The following SEPTIN11 variants were observed in gnomAD, a reference collection of about 807,000 sequenced individuals.
SEPTIN11 encodes the protein septin-11.
Under a neutral mutation model 51.4 loss-of-function variants are expected in SEPTIN11, and 25 were observed. The observed-to-expected ratio is 0.49, with a 90% CI of 0.35 to 0.68. The LOEUF is 0.68. SEPTIN11 is among the 30% of genes least tolerant of loss of function. The pLI, the probability that SEPTIN11 is intolerant of heterozygous loss-of-function variation, is 0.00. For synonymous variants in SEPTIN11, 174 were observed against 184.1 expected, an observed-to-expected ratio of 0.95 and a Z score of 0.44; for missense variants, 381 against 520.8, an observed-to-expected ratio of 0.73 and a Z score of 2.61.
In SEPTIN11 at chr4:77,020,521, C is replaced by A; in HGVS notation, c.804C>A (p.Cys268Ter). The change falls in exon 7 of 10, where the codon TGC becomes TGA. Residue 268 changes from cysteine to a stop codon, truncating the protein, a stop_gained. Coordinates refer to ENST00000264893, the MANE Select transcript of SEPTIN11 (RefSeq NM_018243.4). LOFTEE classifies it high-confidence loss of function. ...TTGTAGTTGAGAATGAAAATCATTG[C>A]GATTTTGTGAAACTTCGAGAGATGC... is the stretch of plus-strand genomic sequence containing the variant. The part of the protein sequence containing the change: ...GVVQVENENH[C>*]DFVKLREMLI... 1 of 1,613,730 alleles carries A rather than the reference C, an allele frequency of 6.2e-7. No individual in the cohort carries two copies. The highest frequency in any genetic ancestry group is 8.5e-7 in the Non-Finnish European group (1 of 1,179,888).
At chr4:76,996,378 G>T in intron 1 of SEPTIN11, 47 bp from the exon 2 acceptor site, 1 of 1,254,080 alleles carries the variant, frequency 8.0e-7, no homozygotes, top group Non-Finnish European at 1.2e-6. Flanking sequence ...TGATATCCAG[G>T]TGGCATGGTT....
intron 1 of SEPTIN11, among the ~76,000 whole-genome samples, chr4:76,952,086 T>A (rs1721373057): frequency 6.6e-6 from 1 of 152,248 alleles, no homozygotes; most frequent in Non-Finnish European, 1.5e-5. Flanking sequence ...ATTTCACAGA[T>A]AATTGTTGAA....
chr4:76,965,190 C>T (rs1721982626), intron 1 of SEPTIN11, among the ~76,000 whole-genome samples: 1 of 152,128 alleles, frequency 6.6e-6, no homozygotes, highest in Non-Finnish European at 1.5e-5. Context: ...GTGGCTCACA[C>T]CTGTAATGCC....
At chr4:76,989,109 A>G in intron 1 of SEPTIN11, among the ~76,000 whole-genome samples, 1 of 152,198 alleles carries the variant, frequency 6.6e-6, no homozygotes, top group East Asian at 1.9e-4. Flanking sequence ...GTTTAGAGGT[A>G]ATTTGATTAA....
chr4:77,016,661 T>C lies in SEPTIN11; in HGVS notation c.687+1644T>C, dbSNP rs186576203. On this transcript the variant is annotated intron_variant, in intron 5 of 9. Coordinates refer to ENST00000264893, the MANE Select transcript of SEPTIN11 (RefSeq NM_018243.4). ...ATATATATATATATATATATACACA[T>C]ATATATATATATATGGCCAGGCACA... Among the ~76,000 whole-genome samples the C allele has an allele frequency of 4.3e-3, 561 of 130,458 alleles. 18 individuals are homozygous for C. Among genetic ancestry groups the C allele is most frequent in the African/African-American group, 0.015 (514 of 35,148 alleles). The allele number at this position is 130,458 out of a possible 152,430, so 85.6% of individuals were successfully genotyped here.
At chr4:76,996,075 T>C in intron 1 of SEPTIN11, 1 of 910,736 alleles carries the variant, frequency 1.1e-6, no homozygotes, top group Non-Finnish European at 1.6e-6. Flanking sequence ...TTTTCTTGAA[T>C]AATGAAAGTG....
intron 1 of SEPTIN11, among the ~76,000 whole-genome samples, chr4:76,975,421 A>G (rs1389977486): frequency 6.6e-6 from 1 of 152,192 alleles, no homozygotes; most frequent in Non-Finnish European, 1.5e-5. Flanking sequence ...CGCTTCTATT[A>G]TTATTACTTC....
chr4:77,027,906 T>C (rs1039352381), intron 7 of SEPTIN11, among the ~76,000 whole-genome samples: 5 of 152,110 alleles, frequency 3.3e-5, no homozygotes, highest in Admixed American at 1.3e-4. Flanking sequence ...AGGAGGAGGA[T>C]AGAATTGAAA....
intron 1 of SEPTIN11, among the ~76,000 whole-genome samples, chr4:76,992,683 A>G (rs1723445776): frequency 6.6e-6 from 1 of 152,238 alleles, no homozygotes; most frequent in African/African-American, 2.4e-5. Context: ...GCAGCTTTTC[A>G]ATCAGTATTT....
intron 1 of SEPTIN11, 122 bp from the exon 2 acceptor site, chr4:76,996,303 G>A: frequency 2.7e-6 from 2 of 743,564 alleles, no homozygotes; most frequent in Non-Finnish European, 4.6e-6. Flanking sequence ...AGGCAGCTGT[G>A]GAGGGTCTCC....
chr4:77,023,433 T>G (rs1303788536), intron 7 of SEPTIN11, among the ~76,000 whole-genome samples: 1 of 149,938 alleles, frequency 6.7e-6, no homozygotes, highest in Non-Finnish European at 1.5e-5. Context: ...GGCCTTTACT[T>G]TTTTCCATAT....
At chr4:77,001,795 T>G (rs1388607081) in intron 2 of SEPTIN11, among the ~76,000 whole-genome samples, 1 of 152,176 alleles carries the variant, frequency 6.6e-6, no homozygotes, top group African/African-American at 2.4e-5. Flanking sequence ...TTTTAGTTAT[T>G]CAGTTAGAAA....
intron 1 of SEPTIN11, among the ~76,000 whole-genome samples, chr4:76,961,736 G>A (rs1721831849): frequency 1.3e-5 from 2 of 152,176 alleles, no homozygotes. Flanking sequence ...GGCATTTGAA[G>A]TGTGGTTTTT....
At chr4:76,953,443 T>TA (rs1252456904) in intron 1 of SEPTIN11, among the ~76,000 whole-genome samples, 3 of 152,188 alleles carry the variant, frequency 2.0e-5, no homozygotes, top group African/African-American at 7.2e-5. Context: ...AGGCAATTCT[T>TA]AAAGATGAGG....
In SEPTIN11 at chr4:77,005,591, G is replaced by T. The variant is rs1352147751; in HGVS notation, c.143-10G>T. The T allele has an allele frequency of 2.5e-6, 4 of 1,606,052 alleles. No homozygotes were observed. The highest frequency in any genetic ancestry group is 1.1e-5 in the South Asian group (1 of 89,944). ...ACACATTCTCTGATTTTTCTTTTGT[G>T]GTTATGTAGGTGAGACAGGCATTGG... On this transcript the variant is annotated splice_polypyrimidine_tract_variant and intron_variant, in intron 2 of 9. Transcript: ENST00000264893.
intron 7 of SEPTIN11, among the ~76,000 whole-genome samples, chr4:77,025,097 G>A (rs926389946): frequency 6.9e-6 from 1 of 144,326 alleles, no homozygotes; most frequent in Admixed American, 7.1e-5. Context: ...CCTCTCCCAA[G>A]GGCTGTTAAG....
chr4:77,017,682 A>G (rs1288445835), intron 5 of SEPTIN11, among the ~76,000 whole-genome samples: 2 of 152,220 alleles, frequency 1.3e-5, no homozygotes, highest in Non-Finnish European at 2.9e-5. Flanking sequence ...TGGCTTGAAA[A>G]CTTTATCTTC....
intron 1 of SEPTIN11, among the ~76,000 whole-genome samples, chr4:76,975,418 A>AC (rs746667240): frequency 6.6e-6 from 1 of 152,228 alleles, no homozygotes; most frequent in Non-Finnish European, 1.5e-5. Context: ...ATCCGCTTCT[A>AC]TTATTATTAC....
rs1278820094 is a variant in SEPTIN11 at position 76,990,306 on chromosome 4, A to G, written c.28-6119A>G. On this transcript the variant is annotated intron_variant, in intron 1 of 9. Transcript: ENST00000264893. ...GCATTTTATAATCCTCTTGCTAGCTACAGAGTGCTGATTGGTGTGTTTTAC... is the reference window on the plus strand; with the variant it reads ...GCATTTTATAATCCTCTTGCTAGCTGCAGAGTGCTGATTGGTGTGTTTTAC... Among the ~76,000 whole-genome samples, 3 of 152,136 alleles carry G rather than the reference A, an allele frequency of 2.0e-5. No individual in the cohort carries two copies. The East Asian group carries it at 5.8e-4, about 29-fold the overall frequency.
Sources: gnomAD v4.1 joint callset for allele counts (sites outside exome capture counted in the v4.1 genomes callset) on GRCh38, gnomAD v4.1.1 for gene constraint, MANE v1.5 for transcripts, NCBI Gene and HGNC (gene_info 2026-07-23, HGNC 2026-07-21) for gene names.